The following NAALADL2 variants were observed in gnomAD, a reference collection of about 807,000 sequenced individuals.
The protein encoded by NAALADL2 is inactive N-acetylated-alpha-linked acidic dipeptidase-like protein 2.
NAALADL2 carries 76 observed loss-of-function variants against 87.2 expected under a neutral mutation model. The observed-to-expected ratio is 0.87, with a 90% CI of 0.72 to 1.05. The LOEUF is 1.05. Ranked by LOEUF, NAALADL2 falls within the 50% of genes least tolerant of loss-of-function variation. The probability of loss-of-function intolerance (pLI) is 0.00; values close to 1 mark genes in which losing one functional copy is unlikely to be tolerated. For synonymous variants in NAALADL2, 354 were observed against 331.0 expected, an observed-to-expected ratio of 1.07 and a Z score of -0.75; for missense variants, 1,089 against 945.8, an observed-to-expected ratio of 1.15 and a Z score of -1.99.
intron 3 of NAALADL2, among the ~76,000 whole-genome samples, chr3:174,739,601 T>G (rs759729103): frequency 2.0e-5 from 3 of 152,064 alleles, no homozygotes; most frequent in Non-Finnish European, 4.4e-5. Context: ...TGCAATGTCT[T>G]TTAGGTGGGT....
chr3:175,047,098 A>G (rs981398832), intron 1 of NAALADL2, among the ~76,000 whole-genome samples: 2 of 152,148 alleles, frequency 1.3e-5, no homozygotes, highest in Non-Finnish European at 1.5e-5. Flanking sequence ...CCCATTCACA[A>G]TGGCTCCACT....
At chr3:174,608,094 A>C (rs1366817377) in intron 2 of NAALADL2, among the ~76,000 whole-genome samples, 3 of 152,100 alleles carry the variant, frequency 2.0e-5, no homozygotes, top group Admixed American at 6.5e-5. Flanking sequence ...TGAAGGCAGA[A>C]ATAAAGATGT....
chr3:174,641,379 T>C (rs1234893240), intron 2 of NAALADL2, among the ~76,000 whole-genome samples: 2 of 152,166 alleles, frequency 1.3e-5, no homozygotes, highest in Non-Finnish European at 2.9e-5. Context: ...GTGATTTCAC[T>C]AGAAGGACTC....
intron 11 of NAALADL2, among the ~76,000 whole-genome samples, chr3:175,694,715 A>T (rs1737509749): frequency 6.6e-6 from 1 of 152,166 alleles, no homozygotes; most frequent in Admixed American, 6.6e-5. Flanking sequence ...AAAAACAAAA[A>T]GTAAAATTCT....
chr3:175,290,940 A>G (rs1755571416), intron 4 of NAALADL2, among the ~76,000 whole-genome samples: 2 of 152,168 alleles, frequency 1.3e-5, no homozygotes, highest in African/African-American at 4.8e-5. Context: ...CCTCAAGACA[A>G]TAACTTTACT....
chr3:175,731,213 TTAAC>T (rs1258931987), intron 11 of NAALADL2, among the ~76,000 whole-genome samples: 1 of 152,154 alleles, frequency 6.6e-6, no homozygotes, highest in Non-Finnish European at 1.5e-5. Flanking sequence ...CTTGAGCAAG[TTAAC>T]TAATCTCTGA....
intron 9 of NAALADL2, among the ~76,000 whole-genome samples, chr3:175,543,605 G>T (rs1188617482): frequency 6.6e-6 from 1 of 152,098 alleles, no homozygotes; most frequent in African/African-American, 2.4e-5. Context: ...CCAAGCAAAA[G>T]GGGAAAAGCC....
At chr3:175,300,015 G>A (rs1181688001) in intron 4 of NAALADL2, among the ~76,000 whole-genome samples, 2 of 151,988 alleles carry the variant, frequency 1.3e-5, no homozygotes, top group African/African-American at 4.8e-5. Context: ...GAATTTTATT[G>A]AAGGCCTTTT....
intron 1 of NAALADL2, among the ~76,000 whole-genome samples, chr3:174,446,319 A>T (rs1009031715): frequency 6.6e-6 from 1 of 152,194 alleles, no homozygotes; most frequent in Non-Finnish European, 1.5e-5. Flanking sequence ...TCATACTTTC[A>T]AACTTATATT....
At chr3:175,511,413 G>A (rs144142955) in intron 9 of NAALADL2, among the ~76,000 whole-genome samples, 22 of 152,284 alleles carry the variant, frequency 1.4e-4, no homozygotes, top group Non-Finnish European at 2.8e-4. Flanking sequence ...AGAGGAATTT[G>A]GACATACAAA....
chr3:175,367,933 C>A (rs1202234144), intron 5 of NAALADL2, among the ~76,000 whole-genome samples: 3 of 152,170 alleles, frequency 2.0e-5, no homozygotes, highest in South Asian at 4.2e-4. Context: ...TGTCTTGTGC[C>A]AGTTTTCAAA....
At chr3:175,420,337 T>A (rs1165470891) in intron 5 of NAALADL2, among the ~76,000 whole-genome samples, 1 of 152,040 alleles carries the variant, frequency 6.6e-6, no homozygotes, top group Non-Finnish European at 1.5e-5. Flanking sequence ...ATATTTGAAC[T>A]TAAATTCTTC....
At chr3:174,662,994 G>A (rs1367598768) in intron 2 of NAALADL2, among the ~76,000 whole-genome samples, 1 of 152,044 alleles carries the variant, frequency 6.6e-6, no homozygotes, top group African/African-American at 2.4e-5. Flanking sequence ...AGCCATGTAG[G>A]TATTATTTAT....
intron 5 of NAALADL2, among the ~76,000 whole-genome samples, chr3:175,325,174 G>A (rs1200888955): frequency 2.0e-5 from 3 of 151,782 alleles, no homozygotes; most frequent in African/African-American, 4.8e-5. Context: ...CCAAAAAATC[G>A]CAAAAGAATT....
chr3:175,557,691 C>A (rs9868519), intron 9 of NAALADL2, among the ~76,000 whole-genome samples: 3,766 of 152,170 alleles, frequency 0.025, 105 homozygotes, highest in Admixed American at 0.063. Context: ...TCACATGACA[C>A]AGTGACCCCC....
chr3:175,273,655 A>T (rs1455740825), intron 4 of NAALADL2, among the ~76,000 whole-genome samples: 1 of 152,144 alleles, frequency 6.6e-6, no homozygotes, highest in Non-Finnish European at 1.5e-5. Context: ...AATAGAAAAA[A>T]AATGACAATT....
intron 12 of NAALADL2, among the ~76,000 whole-genome samples, chr3:175,745,098 A>C (rs917937113): frequency 6.6e-6 from 1 of 152,140 alleles, no homozygotes; most frequent in African/African-American, 2.4e-5. Flanking sequence ...CATCTTGTTT[A>C]TTTATTACGC....
chr3:175,052,883 G>A (rs73176721), intron 1 of NAALADL2, among the ~76,000 whole-genome samples: 17,238 of 152,106 alleles, frequency 0.11, 1,225 homozygotes, highest in East Asian at 0.25. Flanking sequence ...TGTATTTCTT[G>A]TCATTTCTAC....
At chr3:175,549,232 C>T (rs1275962558) in intron 9 of NAALADL2, among the ~76,000 whole-genome samples, 2 of 151,840 alleles carry the variant, frequency 1.3e-5, no homozygotes, top group East Asian at 1.9e-4. Context: ...TAATACACCA[C>T]CCTTTTTGTT....
Sources: gnomAD v4.1 joint callset for allele counts (sites outside exome capture counted in the v4.1 genomes callset) on GRCh38, gnomAD v4.1.1 for gene constraint, MANE v1.5 for transcripts, NCBI Gene and HGNC (gene_info 2026-07-23, HGNC 2026-07-21) for gene names.